Variants in NRXN3 observed in about 807,000 individuals in gnomAD.
NRXN3 encodes the protein neurexin 3.
Under a neutral mutation model 137.6 loss-of-function variants are expected in NRXN3, and 32 were observed. That is an observed-to-expected ratio of 0.23 (90% CI 0.18 to 0.31). The LOEUF (loss-of-function observed/expected upper bound fraction) is 0.31, where lower values mean the gene tolerates loss of function less well. Among genes scored for constraint, NRXN3 ranks in the 10% least tolerant of loss-of-function variants. The probability of loss-of-function intolerance (pLI) is 1.00; values close to 1 mark genes in which losing one functional copy is unlikely to be tolerated. For synonymous variants in NRXN3, 798 were observed against 784.5 expected, an observed-to-expected ratio of 1.02 and a Z score of -0.29; for missense variants, 1,574 against 2,062.5, an observed-to-expected ratio of 0.76 and a Z score of 4.59.
chr14:79,377,361 A>G (rs988661037), intron 15 of NRXN3, among the ~76,000 whole-genome samples: 3 of 152,168 alleles, frequency 2.0e-5, no homozygotes, highest in African/African-American at 7.2e-5. Flanking sequence ...TTGTAATGTC[A>G]ATATCCATAG....
At chr14:79,631,264 A>G (rs759618084) in intron 16 of NRXN3, among the ~76,000 whole-genome samples, 4 of 152,262 alleles carry the variant, frequency 2.6e-5, no homozygotes, top group Non-Finnish European at 4.4e-5. Context: ...GGAAAGGACC[A>G]GAATAAGGGT....
At chr14:79,544,105 A>G (rs774793210) in intron 16 of NRXN3, among the ~76,000 whole-genome samples, 6 of 152,184 alleles carry the variant, frequency 3.9e-5, no homozygotes, top group Non-Finnish European at 8.8e-5. Flanking sequence ...AAAAATAAAA[A>G]TACTTCTTAA....
At chr14:78,184,262 G>C (rs1160479342) in intron 1 of NRXN3, among the ~76,000 whole-genome samples, 3 of 152,202 alleles carry the variant, frequency 2.0e-5, no homozygotes, top group African/African-American at 7.2e-5. Flanking sequence ...GCGCCCGCTC[G>C]ATGCCAGGCA....
In NRXN3 at chr14:78,452,812, C is replaced by T. The variant is rs2153707864; in HGVS notation, c.757+154952C>T. Among the ~76,000 whole-genome samples, 2 of 152,190 alleles carry T rather than the reference C, an allele frequency of 1.3e-5. 1 individual carries two copies. Among genetic ancestry groups the T allele is most frequent in the South Asian group, 4.2e-4 (2 of 4,816 alleles). On this transcript the variant is annotated intron_variant, in intron 4 of 20. Transcript: ENST00000335750. The stretch of plus-strand genomic sequence containing the variant: ...GAGCCAACATCCAGGCTACAGCTAG[C>T]CTTCTAGAGAGGTGGTGCTGCCAGG...
chr14:78,943,672 A>C (rs1461800586), intron 10 of NRXN3, among the ~76,000 whole-genome samples: 4 of 103,780 alleles, frequency 3.9e-5, no homozygotes, highest in African/African-American at 7.1e-5. Context: ...ATATATATAT[A>C]TATATATCTC....
chr14:78,392,369 T>A (rs11629052), intron 4 of NRXN3, among the ~76,000 whole-genome samples: 1 of 152,220 alleles, frequency 6.6e-6, no homozygotes, highest in African/African-American at 2.4e-5. Context: ...AGTTGATAAG[T>A]GTTCAGAGAA....
intron 15 of NRXN3, among the ~76,000 whole-genome samples, chr14:79,031,110 T>C (rs2099607599): frequency 6.6e-6 from 1 of 152,150 alleles, no homozygotes; most frequent in South Asian, 2.1e-4. Flanking sequence ...AGCAGGATTT[T>C]TCTCAGGTAT....
chr14:78,945,579 A>G (rs2099363542), intron 10 of NRXN3, among the ~76,000 whole-genome samples: 1 of 152,154 alleles, frequency 6.6e-6, no homozygotes. Context: ...ACCCAGGTTT[A>G]GTTCCAGCAA....
intron 17 of NRXN3, among the ~76,000 whole-genome samples, chr14:79,677,026 C>T (rs2098644378): frequency 6.6e-6 from 1 of 152,016 alleles, no homozygotes; most frequent in Non-Finnish European, 1.5e-5. Context: ...ATATACACAA[C>T]AAAAATATAA....
chr14:79,743,507 G>A (rs1023206570), intron 19 of NRXN3, among the ~76,000 whole-genome samples: 2 of 152,148 alleles, frequency 1.3e-5, no homozygotes, highest in Non-Finnish European at 2.9e-5. Context: ...CAATGAGAAT[G>A]ACTTAACCCC....
rs1400713733 is a variant in NRXN3, at chr14:78,837,368, T to C, written c.2275+27024T>C. ...GTTTATTGATTTGGGGATTTAATGT[T>C]GGATCCAACTGTGAATAGTGGCCAC... is the stretch of plus-strand genomic sequence containing the variant. On this transcript the variant is annotated intron_variant, in intron 10 of 20. Coordinates refer to ENST00000335750, the MANE Select transcript of NRXN3 (RefSeq NM_001330195.2). 2.0e-5 allele frequency among the ~76,000 whole-genome samples: 3 copies of C among 152,272 alleles called. No individual in the cohort carries two copies. In the East Asian group the frequency reaches 5.8e-4, roughly 29 times the overall value.
intron 15 of NRXN3, among the ~76,000 whole-genome samples, chr14:79,091,535 G>A (rs2049190039): frequency 1.3e-5 from 2 of 152,052 alleles, no homozygotes; most frequent in South Asian, 2.1e-4. Context: ...AAATCAAGTA[G>A]CTTATCTGAG....
At chr14:79,706,075 C>A (rs752554289) in intron 19 of NRXN3, among the ~76,000 whole-genome samples, 2 of 152,154 alleles carry the variant, frequency 1.3e-5, no homozygotes, top group Non-Finnish European at 2.9e-5. Context: ...CCAGGACCCA[C>A]TCCCTCATGA....
At chr14:79,223,271 G>T (rs1597451963) in intron 15 of NRXN3, among the ~76,000 whole-genome samples, 1 of 152,144 alleles carries the variant, frequency 6.6e-6, no homozygotes. Context: ...TTTGTCAGAA[G>T]TATGCCTTGG....
At chr14:78,428,764 A>G (rs2093758298) in intron 4 of NRXN3, among the ~76,000 whole-genome samples, 3 of 152,146 alleles carry the variant, frequency 2.0e-5, no homozygotes, top group Admixed American at 2.0e-4. Flanking sequence ...GACAGGACAG[A>G]TTCTGTCTTA....
intron 10 of NRXN3, among the ~76,000 whole-genome samples, chr14:78,885,393 C>T (rs868062721): frequency 6.6e-6 from 1 of 151,712 alleles, no homozygotes; most frequent in African/African-American, 2.4e-5. Flanking sequence ...GATTTAAAAG[C>T]CTTAGATTAA....
chr14:79,585,578 A>T (rs1296964110), intron 16 of NRXN3, among the ~76,000 whole-genome samples: 1 of 151,004 alleles, frequency 6.6e-6, no homozygotes, highest in Admixed American at 6.6e-5. Flanking sequence ...CCAGCTACTC[A>T]GGACGCTGAG....
rs150695662 is a variant in NRXN3 at position 78,467,241 on chromosome 14, A to T, written c.757+169381A>T. On this transcript the variant is annotated intron_variant, in intron 4 of 20. Coordinates refer to ENST00000335750, the MANE Select transcript of NRXN3 (RefSeq NM_001330195.2). ...AATAAATATCTTTAATTAAAAAAGA[A>T]ATATTTGCAGGATCTCACCCCCTAG... is the stretch of plus-strand genomic sequence containing the variant. Among the ~76,000 whole-genome samples, 381 of 152,320 alleles carry T rather than the reference A, an allele frequency of 2.5e-3. 4 individuals are homozygous for T. Among genetic ancestry groups the T allele is most frequent in the Middle Eastern group, 0.017 (5 of 294 alleles).
At chr14:78,264,748 G>A (rs575757234) in intron 2 of NRXN3, among the ~76,000 whole-genome samples, 72 of 152,252 alleles carry the variant, frequency 4.7e-4, no homozygotes, top group Admixed American at 9.8e-4. Flanking sequence ...GTCTAATAAC[G>A]GCCTTAGATT....
Sources: allele counts gnomAD v4.1 joint callset (sites outside exome capture counted in the v4.1 genomes callset), GRCh38; gene constraint gnomAD v4.1.1; transcripts MANE v1.5; gene names NCBI Gene and HGNC (gene_info 2026-07-23, HGNC 2026-07-21).